The following SPAG1 variants were observed in gnomAD, a reference collection of about 807,000 sequenced individuals.
SPAG1 encodes sperm-associated antigen 1.
Under a neutral mutation model 100.5 loss-of-function variants are expected in SPAG1, and 69 were observed. The ratio of observed to expected loss-of-function variants is 0.69; its 90% confidence interval spans 0.57 to 0.84. SPAG1 has a LOEUF of 0.84. Ranked by LOEUF, SPAG1 falls within the 40% of genes least tolerant of loss-of-function variation. SPAG1 has a pLI of 0.00. For synonymous variants in SPAG1, 336 were observed against 411.6 expected (o/e 0.82, Z 2.22); for missense variants, 955 against 1,133.1 (o/e 0.84, Z 2.26).
intron 4 of SPAG1, among the ~76,000 whole-genome samples, chr8:100,182,778 A>G (rs1816420334): frequency 6.6e-6 from 1 of 152,202 alleles, no homozygotes; most frequent in Non-Finnish European, 1.5e-5. Flanking sequence ...AAAATCAGTA[A>G]TAATCATATT....
intron 10 of SPAG1, 55 bp downstream of exon 10, chr8:100,194,323 G>A: frequency 6.4e-7 from 1 of 1,570,228 alleles, no homozygotes; most frequent in Non-Finnish European, 8.6e-7. Flanking sequence ...AATATGATGA[G>A]CTGGCTCAAT....
In SPAG1 at chr8:100,196,184, C is replaced by A. The variant is rs1035634523; in HGVS notation, c.1096+1916C>A. On this transcript the variant is annotated intron_variant, in intron 10 of 18. Coordinates refer to ENST00000388798, the MANE Select transcript of SPAG1 (RefSeq NM_003114.5). ...ATGAGTAAAAACTGCTATACACACT[C>A]ATTTGCAGGTTTTTGTGTAAACATA... Among the ~76,000 whole-genome samples, 38 of 152,202 alleles carry A rather than the reference C, an allele frequency of 2.5e-4. 1 individual carries two copies. Among genetic ancestry groups the A allele is most frequent in the African/African-American group, 8.0e-4 (33 of 41,450 alleles).
At chr8:100,183,891 C>A in intron 5 of SPAG1, 65 bp from the exon 6 acceptor site, 3 of 747,736 alleles carry the variant, frequency 4.0e-6, no homozygotes, top group East Asian at 2.8e-5. Context: ...ATAAGAATAT[C>A]AATGATAAAT....
chr8:100,206,017 CAAAAAAAAAAAAAAAAAAAAAAAAA>C (rs574907013), intron 10 of SPAG1, among the ~76,000 whole-genome samples: 4 of 77,348 alleles, frequency 5.2e-5, no homozygotes, highest in South Asian at 9.8e-4. Context: ...GACTCTGTCT[CAAAAAAAAAAAAAAAAAAAAAAAAA>C]AAAAAAAAAA....
intron 14 of SPAG1, among the ~76,000 whole-genome samples, chr8:100,225,600 A>G (rs1368898423): frequency 6.6e-6 from 1 of 151,688 alleles, no homozygotes; most frequent in African/African-American, 2.4e-5. Flanking sequence ...CTGGGATTAC[A>G]GGCATGTACC....
intron 12 of SPAG1, among the ~76,000 whole-genome samples, 162 bp downstream of exon 12, chr8:100,214,080 T>C (rs886798716): frequency 6.6e-6 from 1 of 152,238 alleles, no homozygotes; most frequent in African/African-American, 2.4e-5. Context: ...ATCTTACGTA[T>C]ATGAAGAGAG....
chr8:100,236,552 C>T (rs1298513976), intron 16 of SPAG1, among the ~76,000 whole-genome samples: 5 of 152,218 alleles, frequency 3.3e-5, no homozygotes, highest in South Asian at 2.1e-4. Flanking sequence ...CAGGGGCTCA[C>T]GGTGGCAGGT....
chr8:100,231,643 G>A (rs1818771228), intron 15 of SPAG1, among the ~76,000 whole-genome samples: 2 of 152,190 alleles, frequency 1.3e-5, no homozygotes, highest in Non-Finnish European at 1.5e-5. Flanking sequence ...AGTGTGGGAG[G>A]AGCAGGAATC....
intron 12 of SPAG1, 143 bp downstream of exon 12, chr8:100,214,061 T>C (rs1056035705): frequency 1.8e-6 from 1 of 544,648 alleles, no homozygotes; most frequent in African/African-American, 1.9e-5. Flanking sequence ...TGCATAAAAA[T>C]CATAAATTAT....
intron 10 of SPAG1, among the ~76,000 whole-genome samples, chr8:100,208,183 A>G (rs1817583995): frequency 6.6e-6 from 1 of 152,224 alleles, no homozygotes; most frequent in Non-Finnish European, 1.5e-5. Flanking sequence ...TGATCCTGTT[A>G]AACTGGAAGT....
chr8:100,212,995 C>A, intron 10 of SPAG1, 95 bp from the exon 11 acceptor site: 1 of 960,118 alleles, frequency 1.0e-6, no homozygotes, highest in Non-Finnish European at 1.4e-6. Context: ...CTAGAGCCCG[C>A]CCTCCGCGTC....
chr8:100,196,515 A>G lies in SPAG1; in HGVS notation c.1096+2247A>G, dbSNP rs535019349. On this transcript the variant is annotated intron_variant, in intron 10 of 18. Transcript: ENST00000388798. ...ACCATCTCTATATTACTTTTTGTGA[A>G]GTGTCTCTTCAAATTATTCCACCAA... Among the ~76,000 whole-genome samples the G allele has an allele frequency of 5.3e-5, 8 of 152,206 alleles. No individual in the cohort carries two copies. In the South Asian group the frequency reaches 1.7e-3, roughly 32 times the overall value.
Position 100,194,267 on chromosome 8 carries a change from G to A in SPAG1, c.1095G>A (p.Lys365=), listed in dbSNP as rs780739258. The part of the protein sequence containing the change: ...GRKHEDGGGD[K]KPAEPAGAAR... Reference sequence around the variant, plus strand: ...AACATGAAGATGGCGGTGGAGATAAGAGTAAAATATTTTTTCTATTTAGGT... The same window carrying A: ...AACATGAAGATGGCGGTGGAGATAAAAGTAAAATATTTTTTCTATTTAGGT... The change falls in exon 10 of 19, where the codon AAG becomes AAA. Residue 365 remains lysine (K), a splice_region_variant and synonymous_variant. Transcript: ENST00000388798. 3.7e-6 allele frequency: 6 copies of A among 1,607,640 alleles called. No individual in the cohort carries two copies. The highest frequency in any genetic ancestry group is 4.3e-6 in the Non-Finnish European group (5 of 1,175,048).
At chr8:100,234,561 T>C (rs760621127) in intron 16 of SPAG1, among the ~76,000 whole-genome samples, 4 of 152,172 alleles carry the variant, frequency 2.6e-5, no homozygotes, top group Non-Finnish European at 5.9e-5. Flanking sequence ...CTGAGATTTG[T>C]TTATATTGTG....
At chr8:100,198,468 G>A (rs1381409034) in intron 10 of SPAG1, among the ~76,000 whole-genome samples, 3 of 152,122 alleles carry the variant, frequency 2.0e-5, no homozygotes, top group African/African-American at 4.8e-5. Context: ...ACTGGGCGAA[G>A]CATACAGACA....
intron 12 of SPAG1, among the ~76,000 whole-genome samples, chr8:100,216,173 A>G (rs1350837940): frequency 6.6e-6 from 1 of 152,104 alleles, no homozygotes; most frequent in Non-Finnish European, 1.5e-5. Flanking sequence ...GGCTTTTACC[A>G]GTGCTCCTAA....
chr8:100,158,443 C>G (rs1815158049), upstream of SPAG1: 1 of 152,210 alleles, frequency 6.6e-6, no homozygotes, highest in Non-Finnish European at 1.5e-5. Flanking sequence ...TCCCCAGTCC[C>G]GGCAGGTCCT....
rs183586868 is a variant in SPAG1, at chr8:100,202,013, C to T, written c.1096+7745C>T. ...CCTGTTGGTGAGAAGTTCTGGAGGC[C>T]CAGACTTGTAACTGGTGTCTGGAGT... is the stretch of plus-strand genomic sequence containing the variant. On this transcript the variant is annotated intron_variant, in intron 10 of 18. Transcript: ENST00000388798. Among the ~76,000 whole-genome samples, 81 of 152,220 alleles carry T rather than the reference C, an allele frequency of 5.3e-4. 1 individual carries two copies. In the East Asian group the frequency reaches 0.014, roughly 26 times the overall value.
At chr8:100,211,528 G>C (rs1434711195) in intron 10 of SPAG1, among the ~76,000 whole-genome samples, 1 of 152,138 alleles carries the variant, frequency 6.6e-6, no homozygotes, top group Non-Finnish European at 1.5e-5. Flanking sequence ...ATGGTGGCTG[G>C]CTCTCACCTG....
Sources: allele counts gnomAD v4.1 joint callset (sites outside exome capture counted in the v4.1 genomes callset), GRCh38; gene constraint gnomAD v4.1.1; transcripts MANE v1.5; gene names NCBI Gene and HGNC (gene_info 2026-07-23, HGNC 2026-07-21).